The following PCLO variants were observed in gnomAD, a reference collection of about 807,000 sequenced individuals.
PCLO encodes the protein protein piccolo.
In PCLO, 82 loss-of-function variants were observed where a neutral mutation model predicts 427.5. That is an observed-to-expected ratio of 0.19 (90% CI 0.16 to 0.23). The LOEUF (loss-of-function observed/expected upper bound fraction) is 0.23, where lower values mean the gene tolerates loss of function less well. Among genes scored for constraint, PCLO ranks in the 10% least tolerant of loss-of-function variants. The probability of loss-of-function intolerance (pLI) is 1.00; values close to 1 mark genes in which losing one functional copy is unlikely to be tolerated. For synonymous variants in PCLO, 2,357 were observed against 2,155.4 expected (o/e 1.09, Z -2.59); for missense variants, 6,239 against 6,115.9 (o/e 1.02, Z -0.67).
At chr7:83,034,800 A>T (rs1355334803) in intron 3 of PCLO, among the ~76,000 whole-genome samples, 1 of 152,188 alleles carries the variant, frequency 6.6e-6, no homozygotes, top group African/African-American at 2.4e-5. Flanking sequence ...AGGCAATCAT[A>T]CCAAACTTGT....
chr7:83,123,445 C>T (rs570747736), intron 3 of PCLO, among the ~76,000 whole-genome samples: 1 of 152,108 alleles, frequency 6.6e-6, no homozygotes, highest in African/African-American at 2.4e-5. Flanking sequence ...GAAACTAGAT[C>T]CCTGTTTCTT....
intron 3 of PCLO, among the ~76,000 whole-genome samples, chr7:83,026,475 A>T (rs1486940614): frequency 6.6e-6 from 1 of 152,116 alleles, no homozygotes; most frequent in Non-Finnish European, 1.5e-5. Context: ...GTGACCTACA[A>T]AGAGACTTAA....
At chr7:82,778,573 A>C (rs1251357101) in intron 22 of PCLO, among the ~76,000 whole-genome samples, 1 of 152,092 alleles carries the variant, frequency 6.6e-6, no homozygotes, top group East Asian at 1.9e-4. Context: ...TTTCTTTATT[A>C]TTTGGCCATC....
chr7:82,787,291 A>G (rs1804031103), intron 22 of PCLO, among the ~76,000 whole-genome samples: 1 of 151,964 alleles, frequency 6.6e-6, no homozygotes, highest in Non-Finnish European at 1.5e-5. Context: ...AACTGGCATG[A>G]GATGGTATCT....
chr7:82,801,631 T>C (rs757037806), intron 21 of PCLO, 40 bp from the exon 22 acceptor site: 38 of 1,225,374 alleles, frequency 3.1e-5, no homozygotes, highest in Non-Finnish European at 3.9e-5. Flanking sequence ...TCAGTTATGA[T>C]CTCATGAATG....
Position 83,068,819 on chromosome 7 carries a change from T to C in PCLO, c.3300+65431A>G, listed in dbSNP as rs933060155. On this transcript the variant is annotated intron_variant, in intron 3 of 24. Transcript: ENST00000333891. ...AACCTGTATTTTGAAGAGATCTCTA[T>C]ACTCCCATGTTCATTGCAGCATTAT... Among the ~76,000 whole-genome samples the C allele has an allele frequency of 4.6e-5, 7 of 152,170 alleles. No homozygotes were observed. The East Asian group carries it at 9.6e-4, about 21-fold the overall frequency.
At position 82,915,326 on chromosome 7, in the gene PCLO, C is replaced by A; in HGVS notation, c.12660G>T (p.Met4220Ile). The A allele has an allele frequency of 6.2e-7, 1 of 1,613,528 alleles. No homozygotes were observed. The highest frequency in any genetic ancestry group is 1.1e-5 in the South Asian group (1 of 91,072). ...RDLEPDYSSY[M>I]TSSTSSIGGI... The stretch of plus-strand genomic sequence containing the variant: ...CACCAATAGATGAAGTGCTAGAAGT[C>A]ATATAGCTTGAATAATCAGGTTCAA... The change falls in exon 7 of 25, where the codon ATG becomes ATT. Residue 4220 changes from methionine (M) to isoleucine (I), a missense_variant. Met to Ile is a conservative substitution (Grantham distance 10). This residue lies in a region of PCLO where 680 missense variants were observed against 677.3 expected (regional missense o/e 1.00). Coordinates refer to ENST00000333891, the MANE Select transcript of PCLO (RefSeq NM_033026.6).
chr7:83,059,813 GA>G (rs1789499064), intron 3 of PCLO, among the ~76,000 whole-genome samples: 1 of 152,068 alleles, frequency 6.6e-6, no homozygotes, highest in South Asian at 2.1e-4. Context: ...GAAAAGAGCA[GA>G]ATGGAAAGAC....
intron 9 of PCLO, among the ~76,000 whole-genome samples, chr7:82,899,916 G>A (rs1793999471): frequency 6.6e-6 from 1 of 151,668 alleles, no homozygotes; most frequent in Non-Finnish European, 1.5e-5. Context: ...GGAAAAAAAT[G>A]ATTTGAAGAT....
At position 83,162,882 on chromosome 7, in the gene PCLO, T is replaced by G. The variant is rs1429120350; in HGVS notation, c.-290A>C. On this transcript the variant is annotated 5_prime_UTR_variant, in exon 1 of 25. Transcript: ENST00000333891. ...GCGCCCCGAGCCGGGGAGAAGCAGA[T>G]CTGAGCGGTGCCAGCCGGGCGCCGT... The G allele has an allele frequency of 1.5e-5, 7 of 456,214 alleles. No individual in the cohort carries two copies. The highest frequency in any genetic ancestry group is 8.3e-5 in the East Asian group (2 of 24,128). 28.3% of individuals were successfully genotyped at this position (456,214 alleles called of 1,614,324 possible). A position where few individuals can be genotyped will look rare whatever the true frequency, so the allele number is the denominator to read the frequency against.
At chr7:82,949,213 G>A (rs1795271877) in intron 6 of PCLO, among the ~76,000 whole-genome samples, 1 of 151,926 alleles carries the variant, frequency 6.6e-6, no homozygotes, top group South Asian at 2.1e-4. Context: ...TTCACATAAT[G>A]TGTTTTCTTT....
chr7:82,952,512 A>G lies in PCLO; in HGVS notation c.8441T>C (p.Val2814Ala). 6.2e-7 allele frequency: 1 copy of G among 1,613,936 alleles called. No individual in the cohort carries two copies. Among genetic ancestry groups the G allele is most frequent in the Non-Finnish European group, 8.5e-7 (1 of 1,179,848 alleles). ...ASYTTGTESLVGAEHAMTTPL... is the reference protein window; with the variant it reads ...ASYTTGTESLAGAEHAMTTPL... Reference sequence around the variant, plus strand: ...TGTTGTCATTGCATGTTCTGCACCCACTAGGCTTTCTGTGCCTGTAGTGTA... The same window carrying G: ...TGTTGTCATTGCATGTTCTGCACCCGCTAGGCTTTCTGTGCCTGTAGTGTA... The change falls in exon 5 of 25, where the codon GTG becomes GCG. Residue 2814 changes from valine to alanine, a missense_variant. Physicochemically the swap from Val to Ala is moderately conservative, Grantham distance 64. Around this residue, in one of 5 missense-constraint regions of PCLO, gnomAD observed 4,677 missense variants for 4,468.4 expected, o/e 1.05. Coordinates refer to ENST00000333891, the MANE Select transcript of PCLO (RefSeq NM_033026.6).
At chr7:82,805,926 C>A in intron 20 of PCLO, 97 bp from the exon 21 acceptor site, 2 of 1,184,064 alleles carry the variant, frequency 1.7e-6, no homozygotes, top group Non-Finnish European at 2.4e-6. Flanking sequence ...TTACATGTGA[C>A]AAGAAACAGC....
At chr7:83,104,964 C>CAAG (rs66608639) in intron 3 of PCLO, among the ~76,000 whole-genome samples, 89,473 of 151,624 alleles carry the variant, frequency 0.59, 27,203 homozygotes, top group African/African-American at 0.74. Context: ...GGCAGAAATT[C>CAAG]AAGATCAGAG....
At chr7:82,848,824 AG>A (rs2115830493) in intron 10 of PCLO, 1 of 307,324 alleles carries the variant, frequency 3.3e-6, no homozygotes, top group South Asian at 2.7e-5. Context: ...TTCCATAAAA[AG>A]GCTCACAATA....
At chr7:82,847,772 G>A (rs1038732053) in intron 10 of PCLO, among the ~76,000 whole-genome samples, 3 of 151,974 alleles carry the variant, frequency 2.0e-5, no homozygotes, top group South Asian at 2.1e-4. Flanking sequence ...TTTTCTTCAC[G>A]GTATGCCAGA....
chr7:82,983,892 T>C (rs1237995331), intron 3 of PCLO, among the ~76,000 whole-genome samples: 2 of 151,918 alleles, frequency 1.3e-5, no homozygotes, highest in Admixed American at 6.6e-5. Context: ...CTAGACTGAA[T>C]AGGGCTAACC....
chr7:83,014,594 T>A (rs987354278), intron 3 of PCLO, among the ~76,000 whole-genome samples: 2 of 151,502 alleles, frequency 1.3e-5, no homozygotes, highest in Non-Finnish European at 2.9e-5. Context: ...AACATTGCAA[T>A]ATAGAATGAA....
In PCLO at chr7:82,956,517, A is replaced by G. The variant is rs1285129334; in HGVS notation, c.4436T>C (p.Phe1479Ser). 1.5e-5 allele frequency: 24 copies of G among 1,612,608 alleles called. No homozygotes were observed. Among genetic ancestry groups the G allele is most frequent in the Non-Finnish European group, 2.0e-5 (24 of 1,179,646 alleles). Reference protein sequence around the residue: ...KESQEERKDTFKKDSQQDIPS... With the variant: ...KESQEERKDTSKKDSQQDIPS... ...AATATCTTGTTGGCTATCTTTTTTA[A>G]AAGTGTCTTTCCTTTCTTCTTGACT... The change falls in exon 5 of 25, where the codon TTT (phenylalanine) becomes TCT (serine). Residue 1479 changes from phenylalanine to serine, a missense_variant. Around this residue, in one of 5 missense-constraint regions of PCLO, gnomAD observed 4,677 missense variants for 4,468.4 expected, o/e 1.05. Coordinates refer to ENST00000333891, the MANE Select transcript of PCLO (RefSeq NM_033026.6).
Sources: gnomAD v4.1 joint callset for allele counts (sites outside exome capture counted in the v4.1 genomes callset) on GRCh38, gnomAD v4.1.1 for gene constraint, gnomAD v4.1.1 regional missense constraint, MANE v1.5 for transcripts, NCBI Gene and HGNC (gene_info 2026-07-23, HGNC 2026-07-21) for gene names.